LIG1: variants seen among roughly 807,000 people sequenced by gnomAD.
The protein encoded by LIG1 is DNA ligase 1, also known as ligase I, DNA, ATP-dependent.
Under a neutral mutation model 115.7 loss-of-function variants are expected in LIG1, and 70 were observed. That is an observed-to-expected ratio of 0.60 (90% confidence interval 0.50 to 0.74). The LOEUF is 0.74. LIG1 is among the 30% of genes least tolerant of loss of function. The pLI is 0.00. For missense variants in LIG1, 1,115 were observed against 1,225.6 expected (o/e 0.91, Z 1.35); for synonymous variants, 487 against 495.3 (o/e 0.98, Z 0.22).
At position 48,137,648 on chromosome 19, in the gene LIG1, T is replaced by A; in HGVS notation, c.1128A>T (p.Lys376Asn). Reference protein sequence around the residue: ...LESVRAEAAEKGDVGLVAENS... With the variant: ...LESVRAEAAENGDVGLVAENS... ...TCTCGGCCACCAGCCCCACGTCGCC[T>A]TTCTCGGCTGCCTCAGCCCGGACGG... The change falls in exon 13 of 28, where the codon AAA becomes AAT. Residue 376 changes from lysine to asparagine, a missense_variant. Transcript: ENST00000263274. This position sits in a 1 kb window ranked among gnomAD's most constrained non-coding sequence, Gnocchi z 4.3. 1 of 1,608,838 alleles carries A rather than the reference T, an allele frequency of 6.2e-7. No individual in the cohort carries two copies.
At position 48,122,871 on chromosome 19, in the gene LIG1, G is replaced by T; in HGVS notation, c.2232+63C>A. On this transcript the variant is annotated intron_variant, in intron 23 of 27. Coordinates refer to ENST00000263274, the MANE Select transcript of LIG1 (RefSeq NM_000234.3). This position sits in a 1 kb window ranked among gnomAD's most constrained non-coding sequence, Gnocchi z 4.3. ...ACACAGTGGAGGCTCGAAATCCACT[G>T]CCTAGCTGGGACAGACCTCCAGACC... 1 of 1,466,676 alleles carries T rather than the reference G, an allele frequency of 6.8e-7. No individual in the cohort carries two copies. The highest frequency in any genetic ancestry group is 9.6e-7 in the Non-Finnish European group (1 of 1,045,828). 90.9% of individuals were successfully genotyped at this position (1,466,676 alleles called of 1,614,324 possible).
At position 48,121,315 on chromosome 19, in the gene LIG1, T is replaced by C. The variant is rs1352418234; in HGVS notation, c.2240A>G (p.Lys747Arg). ...KRSHNWLKLK[K>R]DYLDGVGDTL... ...GTCACCCACGCCATCAAGGTAGTCC[T>C]TCTTCAGCTGGGAGAAGGGGAGGCA... is the stretch of plus-strand genomic sequence containing the variant. The change falls in exon 24 of 28, where the codon AAG becomes AGG. Residue 747 changes from lysine to arginine, a missense_variant. By Grantham distance (26) the Lys-to-Arg change is conservative (BLOSUM62 2). Transcript: ENST00000263274. The C allele has an allele frequency of 8.1e-6, 13 of 1,598,670 alleles. No individual in the cohort carries two copies. Among genetic ancestry groups the C allele is most frequent in the Middle Eastern group, 1.7e-4 (1 of 6,032 alleles).
chr19:48,124,079 G>C (rs945218807), intron 21 of LIG1, among the ~76,000 whole-genome samples: 1 of 152,198 alleles, frequency 6.6e-6, no homozygotes, highest in African/African-American at 2.4e-5. Context: ...GCTTTGAATT[G>C]CTTTTCTCTT....
chr19:48,136,283 C>T (rs1313136372), intron 14 of LIG1, among the ~76,000 whole-genome samples, 158 bp from the exon 15 acceptor site: 1 of 152,178 alleles, frequency 6.6e-6, no homozygotes, highest in Non-Finnish European at 1.5e-5. Context: ...ATCACACAGC[C>T]CCATGTGACA....
intron 24 of LIG1, chr19:48,120,660 CAGA>C (rs2033197359): frequency 1.0e-5 from 7 of 673,274 alleles, no homozygotes; most frequent in African/African-American, 2.0e-5. Context: ...AGAACTTGAG[CAGA>C]AGGTGTTCAC....
intron 12 of LIG1, among the ~76,000 whole-genome samples, chr19:48,139,477 C>T (rs2034598731): frequency 1.3e-5 from 2 of 152,184 alleles, no homozygotes; most frequent in South Asian, 4.1e-4. Context: ...CATGGCTCCC[C>T]AGTGTCCTCA....
chr19:48,128,107 C>A, intron 19 of LIG1, 87 bp from the exon 20 acceptor site: 1 of 1,035,100 alleles, frequency 9.7e-7, no homozygotes, highest in Non-Finnish European at 1.5e-6. Context: ...TTCCCTTTTC[C>A]TTCTGCAGCT....
At chr19:48,140,866 T>C (rs2034698113) in intron 11 of LIG1, among the ~76,000 whole-genome samples, 1 of 152,074 alleles carries the variant, frequency 6.6e-6, no homozygotes, top group Non-Finnish European at 1.5e-5. Context: ...AAAACTCTGC[T>C]CCCCACATGC....
At position 48,137,612 on chromosome 19, in the gene LIG1, G is replaced by T; in HGVS notation, c.1164C>A (p.Ser388Arg). ...DVGLVAENSRSTQRLMLPPPP... is the reference protein window; with the variant it reads ...DVGLVAENSRRTQRLMLPPPP... ...GTGGTGGCAGCATGAGCCTCTGGGT[G>T]CTGCGGCTGTTCTCGGCCACCAGCC... Residue 388 changes from serine (S) to arginine (R), a missense_variant, in exon 13 of 28, where the codon AGC becomes AGA. By Grantham distance (110) the Ser-to-Arg change is moderately radical. Transcript: ENST00000263274. The surrounding 1 kb of genome is among the most constrained non-coding windows in gnomAD (Gnocchi z 4.3). 1 of 1,612,530 alleles carries T rather than the reference G, an allele frequency of 6.2e-7. No homozygotes were observed.
Position 48,143,873 on chromosome 19 carries a change from G to A in LIG1, c.857+10C>T. 3 of 1,609,792 alleles carry A rather than the reference G, an allele frequency of 1.9e-6. No individual in the cohort carries two copies. Among genetic ancestry groups the A allele is most frequent in the Non-Finnish European group, 2.6e-6 (3 of 1,176,092 alleles). On this transcript the variant is annotated intron_variant, in intron 10 of 27. Transcript: ENST00000263274. Reference sequence around the variant, plus strand: ...CGGAGGGGGACAGTCTGAAAAGGGAGAAACCTCACTTCTGGCCCGGTTTCC... The same window carrying A: ...CGGAGGGGGACAGTCTGAAAAGGGAAAAACCTCACTTCTGGCCCGGTTTCC...
chr19:48,137,906 C>T lies in LIG1; in HGVS notation c.1088-218G>A. On this transcript the variant is annotated intron_variant, in intron 12 of 27. Coordinates refer to ENST00000263274, the MANE Select transcript of LIG1 (RefSeq NM_000234.3). This position sits in a 1 kb window ranked among gnomAD's most constrained non-coding sequence, Gnocchi z 4.3. ...GAAGTCAGCAAACATGCACGTGGAGCCAGGAAAGCGGTGGATGAACGAGCA... is the reference window on the plus strand; with the variant it reads ...GAAGTCAGCAAACATGCACGTGGAGTCAGGAAAGCGGTGGATGAACGAGCA... 1 of 623,060 alleles carries T rather than the reference C, an allele frequency of 1.6e-6. No homozygotes were observed. 38.6% of individuals were successfully genotyped at this position (623,060 alleles called of 1,614,324 possible).
At chr19:48,123,591 C>G (rs1428621354) in intron 21 of LIG1, 17 of 529,964 alleles carry the variant, frequency 3.2e-5, no homozygotes, top group Middle Eastern at 5.2e-4. Context: ...TGAATTAACA[C>G]TTTACGGGCA....
intron 1 of LIG1, among the ~76,000 whole-genome samples, chr19:48,166,469 G>A (rs1398208430): frequency 6.6e-6 from 1 of 152,172 alleles, no homozygotes; most frequent in Non-Finnish European, 1.5e-5. Flanking sequence ...TCAGTTGGAA[G>A]ACAAAAAACT....
chr19:48,133,089 G>C lies in LIG1; in HGVS notation c.1618C>G (p.Leu540Val). 1 of 1,611,046 alleles carries C rather than the reference G, an allele frequency of 6.2e-7. No individual in the cohort carries two copies. Among genetic ancestry groups the C allele is most frequent in the Non-Finnish European group, 8.5e-7 (1 of 1,177,160 alleles). Residue 540 changes from leucine to valine, a missense_variant, in exon 18 of 28, where the codon CTG becomes GTG. By Grantham distance (32) the Leu-to-Val change is conservative (BLOSUM62 1). Coordinates refer to ENST00000263274, the MANE Select transcript of LIG1 (RefSeq NM_000234.3). ...GTGGGATGGGCCAACATTGGTTTCA[G>C]GGGAATCCCTGGGAAAGGAGGAGAG... ...EHCKLSPGIP[L>V]KPMLAHPTRG...
chr19:48,123,409 G>A, intron 21 of LIG1, 91 bp from the exon 22 acceptor site: 1 of 1,439,020 alleles, frequency 6.9e-7, no homozygotes, highest in Non-Finnish European at 9.6e-7. Flanking sequence ...GACATGTGCG[G>A]GTCACAACTA....
At chr19:48,145,851 G>C (rs1315445271) in intron 9 of LIG1, 1 of 152,280 alleles carries the variant, frequency 6.6e-6, no homozygotes, top group East Asian at 1.9e-4. Flanking sequence ...CCTCAGAAGA[G>C]AGACACAGAA....
At position 48,120,200 on chromosome 19, in the gene LIG1, A is replaced by G. The variant is rs536798038; in HGVS notation, c.2385+970T>C. 15 of 985,426 alleles carry G rather than the reference A, an allele frequency of 1.5e-5. No individual in the cohort carries two copies. In the African/African-American group the frequency reaches 2.6e-4, roughly 17 times the overall value. 61.0% of individuals were successfully genotyped at this position (985,426 alleles called of 1,614,324 possible). A position where few individuals can be genotyped will look rare whatever the true frequency, so the allele number is the denominator to read the frequency against. On this transcript the variant is annotated intron_variant, in intron 24 of 27. Transcript: ENST00000263274. ...ACAAAGCCGGCAACAACTTCCCCAC[A>G]CAGCCACGGGGAGCTGGTTCAGGAC...
At chr19:48,133,673 GCA>G (rs2034189156) in intron 17 of LIG1, among the ~76,000 whole-genome samples, 1 of 152,138 alleles carries the variant, frequency 6.6e-6, no homozygotes, top group Middle Eastern at 3.2e-3. Flanking sequence ...ACGGCTCACT[GCA>G]GCCTTGAACT....
At position 48,157,047 on chromosome 19, in the gene LIG1, T is replaced by C. The variant is rs1474806290; in HGVS notation, c.337A>G (p.Ser113Gly). The change falls in exon 5 of 28, where the codon AGT (serine) becomes GGT (glycine). Residue 113 changes from serine (S) to glycine (G), a missense_variant. Ser to Gly is a moderately conservative substitution (Grantham distance 56). Coordinates refer to ENST00000263274, the MANE Select transcript of LIG1 (RefSeq NM_000234.3). Reference protein sequence around the residue: ...ASLSDTSPMDSSPSGIPKRRT... With the variant: ...ASLSDTSPMDGSPSGIPKRRT... Reference sequence around the variant, plus strand: ...CGCTTCGGAATCCCTGATGGGGAACTGTCCATGGGAGAGGTGTCAGAGAGG... The same window carrying C: ...CGCTTCGGAATCCCTGATGGGGAACCGTCCATGGGAGAGGTGTCAGAGAGG... 6.2e-7 allele frequency: 1 copy of C among 1,605,500 alleles called. No individual in the cohort carries two copies. Among genetic ancestry groups the C allele is most frequent in the East Asian group, 2.3e-5 (1 of 44,114 alleles).
Sources: allele counts gnomAD v4.1 joint callset (sites outside exome capture counted in the v4.1 genomes callset), GRCh38; gene constraint gnomAD v4.1.1; non-coding constraint Gnocchi (gnomAD v3.1); transcripts MANE v1.5; gene names NCBI Gene and HGNC (gene_info 2026-07-23, HGNC 2026-07-21).